Variants in CDH12 observed in about 807,000 individuals in gnomAD.
The protein encoded by CDH12 is cadherin-12.
A neutral mutation model predicts 74.1 loss-of-function variants in CDH12; 41 were observed. The ratio of observed to expected loss-of-function variants is 0.55; its 90% confidence interval spans 0.43 to 0.72. The LOEUF is 0.72. CDH12 is among the 30% of genes least tolerant of loss of function. The pLI, the probability that CDH12 is intolerant of heterozygous loss-of-function variation, is 0.00. For missense variants in CDH12, 945 were observed against 977.2 expected, an observed-to-expected ratio of 0.97 and a Z score of 0.44; for synonymous variants, 399 against 355.0, an observed-to-expected ratio of 1.12 and a Z score of -1.39.
At chr5:22,376,983 T>C (rs1432339378) in intron 3 of CDH12, among the ~76,000 whole-genome samples, 1 of 151,978 alleles carries the variant, frequency 6.6e-6, no homozygotes, top group Non-Finnish European at 1.5e-5. Context: ...AAAGACAGGG[T>C]ATTAGTTTAT....
At chr5:22,629,346 A>T (rs1285243059) in intron 1 of CDH12, among the ~76,000 whole-genome samples, 1 of 152,196 alleles carries the variant, frequency 6.6e-6, no homozygotes, top group East Asian at 1.9e-4. Context: ...CTTGATGAAC[A>T]TAGAAGAAAA....
chr5:21,820,006 A>G (rs1338071960), intron 8 of CDH12, among the ~76,000 whole-genome samples: 1 of 152,020 alleles, frequency 6.6e-6, no homozygotes, highest in Non-Finnish European at 1.5e-5. Context: ...ATCGATGAAA[A>G]TGATAGAGCC....
intron 4 of CDH12, among the ~76,000 whole-genome samples, chr5:22,127,253 G>T (rs1489841430): frequency 2.6e-5 from 4 of 152,118 alleles, no homozygotes; most frequent in South Asian, 2.1e-4. Flanking sequence ...CAGCACTTTG[G>T]GGGGCCGAGA....
At chr5:22,808,783 T>C (rs1371020240) in intron 1 of CDH12, among the ~76,000 whole-genome samples, 43 of 145,644 alleles carry the variant, frequency 3.0e-4, no homozygotes, top group African/African-American at 9.8e-4. Context: ...TTTTTTTTTT[T>C]TTTTTAGTAG....
chr5:22,626,928 A>C (rs551639370), intron 1 of CDH12, among the ~76,000 whole-genome samples: 1 of 152,378 alleles, frequency 6.6e-6, no homozygotes, highest in South Asian at 2.1e-4. Context: ...GAGAACTTAA[A>C]AAAAACACTG....
At chr5:22,516,720 G>A (rs1402602739) in intron 1 of CDH12, among the ~76,000 whole-genome samples, 3 of 152,034 alleles carry the variant, frequency 2.0e-5, no homozygotes, top group Non-Finnish European at 2.9e-5. Flanking sequence ...ACTTGAGCCC[G>A]GGAAGTTGAG....
At chr5:22,087,734 C>A (rs1743165464) in intron 4 of CDH12, among the ~76,000 whole-genome samples, 1 of 152,160 alleles carries the variant, frequency 6.6e-6, no homozygotes, top group Non-Finnish European at 1.5e-5. Context: ...AATTCAAGAT[C>A]TCCATTTTGA....
chr5:22,457,855 C>T (rs1299589898), intron 2 of CDH12, among the ~76,000 whole-genome samples: 1 of 152,176 alleles, frequency 6.6e-6, no homozygotes, highest in Non-Finnish European at 1.5e-5. Context: ...AGCAATTCTC[C>T]TGCCTCAGTC....
intron 1 of CDH12, among the ~76,000 whole-genome samples, chr5:22,545,372 C>A (rs1457432717): frequency 2.0e-5 from 3 of 152,110 alleles, no homozygotes; most frequent in East Asian, 1.9e-4. Context: ...CATGCTTTTG[C>A]CACTTCAAGC....
chr5:22,055,235 A>G (rs2150198524), intron 5 of CDH12, among the ~76,000 whole-genome samples: 2 of 152,286 alleles, frequency 1.3e-5, no homozygotes, highest in African/African-American at 4.8e-5. Flanking sequence ...AGGCAGCTGC[A>G]AAGAAGACTT....
At chr5:22,777,375 A>G (rs1245810104) in intron 1 of CDH12, among the ~76,000 whole-genome samples, 1 of 152,092 alleles carries the variant, frequency 6.6e-6, no homozygotes, top group Non-Finnish European at 1.5e-5. Flanking sequence ...TTAGGTTAGG[A>G]TAGACATAAT....
At chr5:22,494,001 G>A (rs1026823414) in intron 2 of CDH12, among the ~76,000 whole-genome samples, 23 of 152,266 alleles carry the variant, frequency 1.5e-4, no homozygotes, top group South Asian at 4.1e-4. Context: ...CAGATAAGAG[G>A]AGAAAGGTGT....
At chr5:21,796,836 G>C (rs10040109) in intron 10 of CDH12, among the ~76,000 whole-genome samples, 3,176 of 152,078 alleles carry the variant, frequency 0.021, 102 homozygotes, top group African/African-American at 0.071. Flanking sequence ...ATAATCAACA[G>C]TTTTAACTTT....
chr5:22,818,458 A>C (rs1398670831), intron 1 of CDH12, among the ~76,000 whole-genome samples: 1 of 152,040 alleles, frequency 6.6e-6, no homozygotes, highest in Admixed American at 6.6e-5. Flanking sequence ...CTTATAAAAC[A>C]GTGTGCTTAT....
intron 5 of CDH12, among the ~76,000 whole-genome samples, chr5:22,025,209 A>T (rs935186636): frequency 2.0e-5 from 3 of 152,122 alleles, no homozygotes; most frequent in Non-Finnish European, 2.9e-5. Context: ...CTAACACAAA[A>T]TATAAATTTC....
chr5:22,678,876 G>T (rs78072959), intron 1 of CDH12, among the ~76,000 whole-genome samples: 1 of 152,096 alleles, frequency 6.6e-6, no homozygotes, highest in African/African-American at 2.4e-5. Flanking sequence ...ATACATGTAA[G>T]GCTTGAGTTT....
chr5:22,561,113 G>GA (rs1739029114), intron 1 of CDH12, among the ~76,000 whole-genome samples: 1 of 151,986 alleles, frequency 6.6e-6, no homozygotes, highest in South Asian at 2.1e-4. Flanking sequence ...TAAAGGTTTT[G>GA]AACTATTGTT....
At chr5:22,395,722 T>C (rs1742426233) in intron 3 of CDH12, among the ~76,000 whole-genome samples, 1 of 152,096 alleles carries the variant, frequency 6.6e-6, no homozygotes, top group South Asian at 2.1e-4. Context: ...CCTGGAGAAA[T>C]AAATGTAGGG....
intron 5 of CDH12, among the ~76,000 whole-genome samples, chr5:22,044,377 A>G (rs1739787259): frequency 6.6e-6 from 1 of 152,196 alleles, no homozygotes; most frequent in South Asian, 2.1e-4. Context: ...GGAAACTAAC[A>G]ATCATGGCAG....
Sources: gnomAD v4.1 joint callset for allele counts (sites outside exome capture counted in the v4.1 genomes callset) on GRCh38, gnomAD v4.1.1 for gene constraint, MANE v1.5 for transcripts, NCBI Gene and HGNC (gene_info 2026-07-23, HGNC 2026-07-21) for gene names.